Variants in ARHGAP42 observed in about 807,000 individuals in gnomAD.
The protein encoded by ARHGAP42 is rho GTPase-activating protein 42.
Under a neutral mutation model 125.0 loss-of-function variants are expected in ARHGAP42, and 63 were observed. That is an observed-to-expected ratio of 0.50 (90% CI 0.41 to 0.62). The LOEUF (loss-of-function observed/expected upper bound fraction) is 0.62, where lower values mean the gene tolerates loss of function less well. Ranked by LOEUF, ARHGAP42 falls within the 20% of genes least tolerant of loss-of-function variation. The pLI is 0.00. For missense variants in ARHGAP42, 766 were observed against 1,024.2 expected, an observed-to-expected ratio of 0.75 and a Z score of 3.44; for synonymous variants, 339 against 351.0, an observed-to-expected ratio of 0.97 and a Z score of 0.38.
At chr11:100,853,876 C>G (rs1865262201) in intron 3 of ARHGAP42, among the ~76,000 whole-genome samples, 1 of 151,344 alleles carries the variant, frequency 6.6e-6, no homozygotes, top group Non-Finnish European at 1.5e-5. Flanking sequence ...AGATTTCACT[C>G]TTATACTAAA....
intron 1 of ARHGAP42, among the ~76,000 whole-genome samples, chr11:100,745,139 G>T (rs911213558): frequency 6.6e-6 from 1 of 152,170 alleles, no homozygotes; most frequent in Non-Finnish European, 1.5e-5. Flanking sequence ...AATAAGTCAG[G>T]GTGGAGAAGG....
chr11:100,884,223 C>T (rs1039191647), intron 4 of ARHGAP42, among the ~76,000 whole-genome samples: 1 of 152,136 alleles, frequency 6.6e-6, no homozygotes, highest in Non-Finnish European at 1.5e-5. Flanking sequence ...CACTGAGTTG[C>T]TCAAGTTACT....
chr11:100,713,008 C>G (rs889359709), intron 1 of ARHGAP42, among the ~76,000 whole-genome samples: 11 of 152,074 alleles, frequency 7.2e-5, no homozygotes, highest in Non-Finnish European at 1.3e-4. Context: ...TATACATATC[C>G]AAGTCTGGGT....
chr11:100,954,644 C>A (rs1591319265), intron 12 of ARHGAP42, among the ~76,000 whole-genome samples: 1 of 152,128 alleles, frequency 6.6e-6, no homozygotes. Flanking sequence ...AGGTTATCAT[C>A]CTCCTTCTTT....
intron 6 of ARHGAP42, among the ~76,000 whole-genome samples, chr11:100,924,477 A>C (rs989447283): frequency 2.0e-5 from 3 of 151,586 alleles, no homozygotes; most frequent in Non-Finnish European, 2.9e-5. Flanking sequence ...GACCAGCCTG[A>C]CCTATATGGT....
In ARHGAP42 at chr11:100,965,739, A is replaced by G. The variant is rs1238978404; in HGVS notation, c.1513A>G (p.Arg505Gly). The change falls in exon 17 of 24, where the codon AGA becomes GGA. Residue 505 changes from arginine to glycine, a missense_variant. Coordinates refer to ENST00000298815, the MANE Select transcript of ARHGAP42 (RefSeq NM_152432.4). ...ALVHKLPEKN[R>G]EMLDILIKHL... ...GGTGCACAAATTGCCGGAGAAAAAC[A>G]GAGAGATGCTGGACATCTTAATAAA... The G allele has an allele frequency of 6.4e-7, 1 of 1,551,306 alleles. No individual in the cohort carries two copies. Among genetic ancestry groups the G allele is most frequent in the Admixed American group, 2.0e-5 (1 of 50,996 alleles).
chr11:100,687,543 C>T lies in ARHGAP42; in HGVS notation c.-136C>T, dbSNP rs966774104. On this transcript the variant is annotated 5_prime_UTR_variant, in exon 1 of 24. Coordinates refer to ENST00000298815, the MANE Select transcript of ARHGAP42 (RefSeq NM_152432.4). Reference sequence around the variant, plus strand: ...CGCGGCGCTCGGGGCCCGTTTCCTCCGCGCAATCAGTCCCCTCGCGTCCCG... The same window carrying T: ...CGCGGCGCTCGGGGCCCGTTTCCTCTGCGCAATCAGTCCCCTCGCGTCCCG... 3.4e-6 allele frequency: 2 copies of T among 582,764 alleles called. No individual in the cohort carries two copies. Among genetic ancestry groups the T allele is most frequent in the Non-Finnish European group, 2.3e-6 (1 of 429,232 alleles). 36.1% of individuals were successfully genotyped at this position (582,764 alleles called of 1,614,324 possible).
At position 100,965,722 on chromosome 11, in the gene ARHGAP42, A is replaced by G. The variant is rs1858073907; in HGVS notation, c.1496A>G (p.Lys499Arg). 1 of 1,551,024 alleles carries G rather than the reference A, an allele frequency of 6.4e-7. No individual in the cohort carries two copies. Among genetic ancestry groups the G allele is most frequent in the African/African-American group, 1.4e-5 (1 of 73,048 alleles). ...RVEAVHALVHKLPEKNREMLD... is the reference protein window; with the variant it reads ...RVEAVHALVHRLPEKNREMLD... ...GAGGCTGTACATGCATTGGTGCACA[A>G]ATTGCCGGAGAAAAACAGAGAGATG... Residue 499 changes from lysine to arginine, a missense_variant, in exon 17 of 24, where the codon AAA (lysine) becomes AGA (arginine). Physicochemically the swap from Lys to Arg is conservative, Grantham distance 26. Coordinates refer to ENST00000298815, the MANE Select transcript of ARHGAP42 (RefSeq NM_152432.4).
At chr11:100,953,986 A>T (rs191848887) in intron 12 of ARHGAP42, among the ~76,000 whole-genome samples, 490 of 9,506 alleles carry the variant, frequency 0.052, 3 homozygotes, top group African/African-American at 0.16. Flanking sequence ...TAGTTCTGCC[A>T]TTTGAATACA....
At chr11:100,803,183 A>G (rs151194431) in intron 3 of ARHGAP42, among the ~76,000 whole-genome samples, 1 of 150,388 alleles carries the variant, frequency 6.6e-6, no homozygotes, top group East Asian at 2.0e-4. Context: ...AGAGACCAGC[A>G]TGGGCAACAT....
chr11:100,913,485 A>C lies in ARHGAP42; in HGVS notation c.418A>C (p.Lys140Gln). ...GAAGAAGTTTGACAAAGAGAGTGAAAAATATTACTCTATCCTTGAAAAGCA... is the reference window on the plus strand; with the variant it reads ...GAAGAAGTTTGACAAAGAGAGTGAACAATATTACTCTATCCTTGAAAAGCA... ...GKKKFDKESEKYYSILEKHLN... is the reference protein window; with the variant it reads ...GKKKFDKESEQYYSILEKHLN... Residue 140 changes from lysine (K) to glutamine (Q), a missense_variant, in exon 5 of 24, where the codon AAA becomes CAA. Physicochemically the swap from Lys to Gln is moderately conservative, Grantham distance 53 (BLOSUM62 1). This residue lies in a region of ARHGAP42 where 455 missense variants were observed against 636.5 expected (regional missense o/e 0.71). Coordinates refer to ENST00000298815, the MANE Select transcript of ARHGAP42 (RefSeq NM_152432.4). The C allele has an allele frequency of 1.5e-6, 2 of 1,295,410 alleles. No individual in the cohort carries two copies. The highest frequency in any genetic ancestry group is 2.0e-6 in the Non-Finnish European group (2 of 985,702). 80.2% of individuals were successfully genotyped at this position (1,295,410 alleles called of 1,614,324 possible).
At chr11:100,794,273 A>G (rs1419461625) in intron 2 of ARHGAP42, among the ~76,000 whole-genome samples, 3 of 152,128 alleles carry the variant, frequency 2.0e-5, no homozygotes, top group South Asian at 2.1e-4. Context: ...ATATGCTACT[A>G]TAACATCCCT....
chr11:100,921,902 G>T (rs1022255506), intron 6 of ARHGAP42, among the ~76,000 whole-genome samples: 2 of 151,816 alleles, frequency 1.3e-5, no homozygotes, highest in African/African-American at 4.8e-5. Context: ...TAATGTATTA[G>T]CATTGTTTCA....
chr11:100,814,361 CAA>C (rs11351569), intron 3 of ARHGAP42, among the ~76,000 whole-genome samples: 1,438 of 109,812 alleles, frequency 0.013, 20 homozygotes, highest in African/African-American at 0.042. Context: ...GACTCCGTCT[CAA>C]AAAAAAAAAA....
chr11:100,756,196 G>A (rs147319792), intron 1 of ARHGAP42, among the ~76,000 whole-genome samples: 1 of 126,902 alleles, frequency 7.9e-6, no homozygotes, highest in African/African-American at 3.1e-5. Flanking sequence ...GACTAGCCTG[G>A]TCAATACAGT....
chr11:100,831,248 A>C (rs925823884), intron 3 of ARHGAP42, among the ~76,000 whole-genome samples: 2 of 152,144 alleles, frequency 1.3e-5, no homozygotes, highest in African/African-American at 4.8e-5. Context: ...TGTAAAGGGT[A>C]GCTCAGTTTA....
At position 100,847,860 on chromosome 11, in the gene ARHGAP42, C is replaced by A. The variant is rs555745270; in HGVS notation, c.313-11694C>A. ...GACAGTTTATAGATAAGAAGCTTGG[C>A]AGAAACATCTGGGTTGGAGAAAGCA... On this transcript the variant is annotated intron_variant, in intron 3 of 23. Coordinates refer to ENST00000298815, the MANE Select transcript of ARHGAP42 (RefSeq NM_152432.4). Among the ~76,000 whole-genome samples, 13 of 152,218 alleles carry A rather than the reference C, an allele frequency of 8.5e-5. No homozygotes were observed. The South Asian group carries it at 2.7e-3, about 32-fold the overall frequency.
Position 100,946,027 on chromosome 11 carries a change from G to T in ARHGAP42, c.1043+2159G>T, listed in dbSNP as rs150857894. Among the ~76,000 whole-genome samples, 592 of 152,172 alleles carry T rather than the reference G, an allele frequency of 3.9e-3. 3 individuals are homozygous for T. Among genetic ancestry groups the T allele is most frequent in the African/African-American group, 0.014 (573 of 41,550 alleles). On this transcript the variant is annotated intron_variant, in intron 10 of 23. Coordinates refer to ENST00000298815, the MANE Select transcript of ARHGAP42 (RefSeq NM_152432.4). ...GTTTACTGTAGCCACCTTCATCCAT[G>T]ATTGTAGCTAGATCTTCTGTATAAC... is the stretch of plus-strand genomic sequence containing the variant.
chr11:100,891,157 G>A (rs1350294013), intron 4 of ARHGAP42, among the ~76,000 whole-genome samples: 1 of 152,118 alleles, frequency 6.6e-6, no homozygotes, highest in Non-Finnish European at 1.5e-5. Context: ...GGCTTTGTCT[G>A]GGTTTCAAAC....
Sources: allele counts gnomAD v4.1 joint callset (sites outside exome capture counted in the v4.1 genomes callset), GRCh38; gene constraint gnomAD v4.1.1; regional missense constraint gnomAD v4.1.1; transcripts MANE v1.5; gene names NCBI Gene and HGNC (gene_info 2026-07-23, HGNC 2026-07-21).